Variants in SLC35F1 observed in about 807,000 individuals in gnomAD.
The protein encoded by SLC35F1 is solute carrier family 35 member F1, also known as chromosome 6 open reading frame 169.
SLC35F1 carries 14 observed loss-of-function variants against 48.7 expected under a neutral mutation model. The observed-to-expected ratio is 0.29, with a 90% CI of 0.19 to 0.45. The LOEUF (loss-of-function observed/expected upper bound fraction) is 0.45, where lower values mean the gene tolerates loss of function less well. SLC35F1 is among the 20% of genes least tolerant of loss of function. The pLI is 1.00. For synonymous variants in SLC35F1, 190 were observed against 202.2 expected (o/e 0.94, Z 0.51); for missense variants, 404 against 500.0 (o/e 0.81, Z 1.83).
intron 1 of SLC35F1, among the ~76,000 whole-genome samples, chr6:118,076,013 A>G (rs1772812397): frequency 6.6e-6 from 1 of 152,156 alleles, no homozygotes; most frequent in Non-Finnish European, 1.5e-5. Context: ...GTGGAGGCTG[A>G]GTGTCAGCCT....
intron 2 of SLC35F1, among the ~76,000 whole-genome samples, chr6:118,175,983 C>T (rs1774483226): frequency 6.6e-6 from 1 of 152,056 alleles, no homozygotes; most frequent in South Asian, 2.1e-4. Flanking sequence ...CCTACTCCAA[C>T]TGTGGGGTCT....
intron 1 of SLC35F1, among the ~76,000 whole-genome samples, chr6:117,908,648 G>T (rs1308179325): frequency 1.3e-5 from 2 of 152,252 alleles, no homozygotes; most frequent in Non-Finnish European, 2.9e-5. Context: ...GGACGTTGAC[G>T]TTTTAGGATG....
At chr6:118,256,880 G>A (rs89107) in intron 3 of SLC35F1, among the ~76,000 whole-genome samples, 68,999 of 151,914 alleles carry the variant, frequency 0.45, 15,927 homozygotes, top group Middle Eastern at 0.51. Context: ...GAGAATTTGG[G>A]CCATGGAGTT....
chr6:118,157,470 A>G (rs1032807144), intron 2 of SLC35F1, among the ~76,000 whole-genome samples: 3 of 152,168 alleles, frequency 2.0e-5, no homozygotes, highest in Non-Finnish European at 4.4e-5. Flanking sequence ...GTATTGACTC[A>G]TGATCACAAG....
rs1351407248 is a variant in SLC35F1, at chr6:117,983,440, G to A, written c.173+75541G>A. On this transcript the variant is annotated intron_variant, in intron 1 of 7. Coordinates refer to ENST00000360388, the MANE Select transcript of SLC35F1 (RefSeq NM_001029858.4). ...AAATACAAAAAAATTAGTCGGGTGTGGTGGCAGTTGCCTGTAATCCCAGCT... is the reference window on the plus strand; with the variant it reads ...AAATACAAAAAAATTAGTCGGGTGTAGTGGCAGTTGCCTGTAATCCCAGCT... Among the ~76,000 whole-genome samples, 2 of 152,146 alleles carry A rather than the reference G, an allele frequency of 1.3e-5. 1 individual carries two copies. The highest frequency in any genetic ancestry group is 4.1e-4 in the South Asian group (2 of 4,832).
chr6:118,272,737 G>GTATATATATATATATA (rs1554243222), intron 4 of SLC35F1, among the ~76,000 whole-genome samples: 1 of 120,248 alleles, frequency 8.3e-6, no homozygotes, highest in African/African-American at 3.2e-5. Flanking sequence ...ATATGTGTGT[G>GTATATATATATATATA]TATATATATA....
At chr6:118,041,457 T>C (rs1772218521) in intron 1 of SLC35F1, among the ~76,000 whole-genome samples, 1 of 152,154 alleles carries the variant, frequency 6.6e-6, no homozygotes, top group South Asian at 2.1e-4. Flanking sequence ...ATTCAAATAA[T>C]ACTTATTATT....
intron 1 of SLC35F1, among the ~76,000 whole-genome samples, chr6:117,976,861 G>A (rs1324607858): frequency 6.6e-6 from 1 of 152,082 alleles, no homozygotes; most frequent in Non-Finnish European, 1.5e-5. Context: ...TTCTTCCACT[G>A]TTTTCATGTA....
At chr6:117,991,130 A>G (rs954206126) in intron 1 of SLC35F1, among the ~76,000 whole-genome samples, 3 of 152,236 alleles carry the variant, frequency 2.0e-5, no homozygotes, top group African/African-American at 7.2e-5. Context: ...AAGGTCGTGA[A>G]GCAATGGGTA....
chr6:117,936,015 C>T (rs1283319810), intron 1 of SLC35F1, among the ~76,000 whole-genome samples: 1 of 152,196 alleles, frequency 6.6e-6, no homozygotes, highest in Non-Finnish European at 1.5e-5. Flanking sequence ...GTTTGTGGTT[C>T]TCTTGATTGA....
chr6:118,104,704 A>G (rs1773305887), intron 1 of SLC35F1, among the ~76,000 whole-genome samples: 1 of 152,210 alleles, frequency 6.6e-6, no homozygotes, highest in Non-Finnish European at 1.5e-5. Context: ...TATCTTGAAG[A>G]TAGGAGCTGC....
intron 1 of SLC35F1, among the ~76,000 whole-genome samples, chr6:118,046,321 A>G (rs1302431243): frequency 6.6e-6 from 1 of 152,214 alleles, no homozygotes; most frequent in African/African-American, 2.4e-5. Flanking sequence ...TCATGGTGCC[A>G]TAAAGCCAGT....
intron 1 of SLC35F1, among the ~76,000 whole-genome samples, chr6:117,923,702 T>TATGTATATATATACATATATGTAC (rs1562238825): frequency 2.3e-4 from 4 of 17,486 alleles, no homozygotes; most frequent in East Asian, 1.9e-3. Context: ...TACATATACA[T>TATGTATATATATACATATATGTAC]ATATGTACAT....
chr6:118,245,353 A>G (rs6912208), intron 3 of SLC35F1, among the ~76,000 whole-genome samples: 81,452 of 151,920 alleles, frequency 0.54, 22,038 homozygotes, highest in East Asian at 0.73. Context: ...CACAACCCCC[A>G]CACTCATATC....
At chr6:118,084,421 G>C (rs9385031) in intron 1 of SLC35F1, among the ~76,000 whole-genome samples, 29,703 of 151,948 alleles carry the variant, frequency 0.2, 3,697 homozygotes, top group East Asian at 0.41. Flanking sequence ...GACATTTCTA[G>C]ATGTTTCTAA....
chr6:118,138,938 T>G (rs2114437782), intron 1 of SLC35F1, among the ~76,000 whole-genome samples: 1 of 151,122 alleles, frequency 6.6e-6, no homozygotes, highest in South Asian at 2.1e-4. Context: ...CCATAGAGGA[T>G]ATTTTTTAGC....
intron 1 of SLC35F1, among the ~76,000 whole-genome samples, chr6:117,952,381 C>T (rs1043698647): frequency 6.6e-6 from 1 of 152,206 alleles, no homozygotes; most frequent in Non-Finnish European, 1.5e-5. Flanking sequence ...CTGTTGTCCC[C>T]TTTTCCATAG....
intron 1 of SLC35F1, among the ~76,000 whole-genome samples, chr6:117,970,143 C>T (rs186102051): frequency 6.6e-6 from 1 of 152,264 alleles, no homozygotes; most frequent in Middle Eastern, 3.4e-3. Context: ...GAATGGGGTA[C>T]TATAACTGGA....
chr6:117,967,074 A>G (rs1045280687), intron 1 of SLC35F1, among the ~76,000 whole-genome samples: 43 of 152,344 alleles, frequency 2.8e-4, no homozygotes, highest in African/African-American at 1.0e-3. Flanking sequence ...TGGAAATATA[A>G]GTAGCTAATG....
Sources: gnomAD v4.1 joint callset for allele counts (sites outside exome capture counted in the v4.1 genomes callset) on GRCh38, gnomAD v4.1.1 for gene constraint, MANE v1.5 for transcripts, NCBI Gene and HGNC (gene_info 2026-07-23, HGNC 2026-07-21) for gene names.